The following VSIG10L variants were observed in gnomAD, a reference collection of about 807,000 sequenced individuals.
VSIG10L encodes V-set and immunoglobulin domain-containing protein 10-like.
Under a neutral mutation model 67.3 loss-of-function variants are expected in VSIG10L, and 63 were observed. The observed-to-expected ratio is 0.94, with a 90% confidence interval of 0.76 to 1.15. The LOEUF (loss-of-function observed/expected upper bound fraction) is 1.15. Ranked by LOEUF, VSIG10L falls within the 50% of genes most tolerant of loss-of-function variation. The pLI, the probability that VSIG10L is intolerant of heterozygous loss-of-function variation, is 0.00. For synonymous variants in VSIG10L, 499 were observed against 524.9 expected, an observed-to-expected ratio of 0.95 and a Z score of 0.67; for missense variants, 1,050 against 1,177.5, an observed-to-expected ratio of 0.89 and a Z score of 1.58.
Position 51,340,620 on chromosome 19 carries a change from C to T in VSIG10L, c.1002G>A (p.Leu334=), listed in dbSNP as rs776460402. 6 of 1,534,618 alleles carry T rather than the reference C, an allele frequency of 3.9e-6. No individual in the cohort carries two copies. The highest frequency in any genetic ancestry group is 1.4e-5 in the African/African-American group (1 of 72,962). The change falls in exon 3 of 10, where the codon CTG becomes CTA. Residue 334 remains leucine, a synonymous_variant. Coordinates refer to ENST00000335624, the MANE Select transcript of VSIG10L (RefSeq NM_001163922.3). The surrounding 1 kb of genome is among the most constrained non-coding windows in gnomAD (Gnocchi z 6.3). ...GGGCGCGTCCGTCCCGGCTCCAGCT[C>T]AGCTCCCCGCGACCTGGCCCCCACC... ...CLGWGPGRGE[L]SWSRDGRALE... is the part of the protein sequence containing the mutation.
At chr19:51,335,908 T>C (rs530420275) in intron 7 of VSIG10L, among the ~76,000 whole-genome samples, 1 of 152,158 alleles carries the variant, frequency 6.6e-6, no homozygotes, top group South Asian at 2.1e-4. Flanking sequence ...CAACACTCTG[T>C]CCACACCCCC....
chr19:51,339,981 C>T lies in VSIG10L; in HGVS notation c.1474+34G>A, dbSNP rs116164964. The T allele has an allele frequency of 1.6e-3, 2,086 of 1,345,662 alleles. 21 individuals are homozygous for T. In the African/African-American group the frequency reaches 0.029, roughly 19 times the overall value. The allele number at this position is 1,345,662 out of a possible 1,614,324, so 83.4% of individuals were successfully genotyped here. On this transcript the variant is annotated intron_variant, in intron 4 of 9. Transcript: ENST00000335624. ...CCTCGTTCTGGCCCCGCCCCTCTCC[C>T]AGGCATTCCCCTACTCCCGCTCCAG...
chr19:51,332,583 G>C lies in VSIG10L; in HGVS notation c.*28C>G. 6.4e-7 allele frequency: 1 copy of C among 1,551,522 alleles called. No homozygotes were observed. Among genetic ancestry groups the C allele is most frequent in the Non-Finnish European group, 8.7e-7 (1 of 1,146,862 alleles). Reference sequence around the variant, plus strand: ...CACTGGCTCTGATCACACCTGTGTGGCTGCGCGAACAGTCTTTGAGCCTCC... The same window carrying C: ...CACTGGCTCTGATCACACCTGTGTGCCTGCGCGAACAGTCTTTGAGCCTCC... On this transcript the variant is annotated 3_prime_UTR_variant, in exon 10 of 10. Transcript: ENST00000335624.
intron 4 of VSIG10L, 29 bp downstream of exon 4, chr19:51,339,986 A>AT: frequency 6.3e-6 from 8 of 1,265,810 alleles, no homozygotes; most frequent in Non-Finnish European, 8.0e-6. Flanking sequence ...TCTCCCAGGC[A>AT]TTCCCCTACT....
At position 51,333,837 on chromosome 19, in the gene VSIG10L, T is replaced by A; in HGVS notation, c.2528A>T (p.Asp843Val). 6.4e-7 allele frequency: 1 copy of A among 1,551,644 alleles called. No individual in the cohort carries two copies. The highest frequency in any genetic ancestry group is 1.2e-5 in the South Asian group (1 of 84,058). Residue 843 changes from aspartate to valine, a missense_variant, in exon 9 of 10, where the codon GAC becomes GTC. Physicochemically the swap from Asp to Val is radical, Grantham distance 152 (BLOSUM62 -3). Transcript: ENST00000335624. Reference sequence around the variant, plus strand: ...GTGGTCCTCCAGAGGGACTTTGAGGTCCAGAGGCCATGAAATCTCCACTGG... The same window carrying A: ...GTGGTCCTCCAGAGGGACTTTGAGGACCAGAGGCCATGAAATCTCCACTGG... ...VTPVEISWPL[D>V]LKVPLEDHSS...
At chr19:51,338,746 CT>C in intron 5 of VSIG10L, 141 bp downstream of exon 5, 3 of 1,062,894 alleles carry the variant, frequency 2.8e-6, no homozygotes, top group Non-Finnish European at 3.7e-6. Context: ...ATCTTTGTCC[CT>C]TTTCTAGTTT....
Position 51,333,938 on chromosome 19 carries a change from A to G in VSIG10L, c.2427T>C (p.Thr809=), listed in dbSNP as rs755236920. 159 of 1,551,164 alleles carry G rather than the reference A, an allele frequency of 1.0e-4. No individual in the cohort carries two copies. The highest frequency in any genetic ancestry group is 1.3e-4 in the Non-Finnish European group (149 of 1,146,932). ...TAGAAGGATGCTTCTTTTTCTCAGG[A>G]GTCTTTCCTGATTGAGAGGCAGAAG... The part of the protein sequence containing the change: ...ICCLCRFRGK[T]PEKKKHPSTL... Residue 809 remains threonine (T), a synonymous_variant, in exon 9 of 10, where the codon ACT becomes ACC. Transcript: ENST00000335624.
At position 51,340,095 on chromosome 19, in the gene VSIG10L, T is replaced by A. The variant is rs1347634121; in HGVS notation, c.1394A>T (p.His465Leu). The A allele has an allele frequency of 6.7e-6, 9 of 1,346,816 alleles. No individual in the cohort carries two copies. The highest frequency in any genetic ancestry group is 8.6e-6 in the Non-Finnish European group (9 of 1,052,550). 83.4% of individuals were successfully genotyped at this position (1,346,816 alleles called of 1,614,324 possible). ...RLLLPAVGPG[H>L]AGTYACLAAN... ...CGCCAGGCAGGCGTAGGTGCCTGCG[T>A]GGCCCGGTCCGACCGCGGGCAGCAG... The change falls in exon 4 of 10, where the codon CAC becomes CTC. Residue 465 changes from histidine (H) to leucine (L), a missense_variant. Around this residue, in one of 3 missense-constraint regions of VSIG10L, gnomAD observed 529 missense variants for 584.9 expected, o/e 0.90. Coordinates refer to ENST00000335624, the MANE Select transcript of VSIG10L (RefSeq NM_001163922.3). This position sits in a 1 kb window ranked among gnomAD's most constrained non-coding sequence, Gnocchi z 6.3.
Position 51,338,944 on chromosome 19 carries a change from G to C in VSIG10L, c.1673C>G (p.Pro558Arg). The part of the protein sequence containing the change: ...VPAHPRLSGV[P>R]ITCLARHLVA... ...CAGGTGGCGAGCAAGGCAGGTGATG[G>C]GGACGCCGCTGAGCCGGGGGTGGGC... The change falls in exon 5 of 10, where the codon CCC becomes CGC. Residue 558 changes from proline (P) to arginine (R), a missense_variant. By Grantham distance (103) the Pro-to-Arg change is moderately radical (BLOSUM62 -2). This residue lies in a region of VSIG10L where 529 missense variants were observed against 584.9 expected (regional missense o/e 0.90). Transcript: ENST00000335624. 7.0e-7 allele frequency: 1 copy of C among 1,437,264 alleles called. No homozygotes were observed. The highest frequency in any genetic ancestry group is 9.2e-7 in the Non-Finnish European group (1 of 1,088,720). The allele number at this position is 1,437,264 out of a possible 1,614,324, so 89.0% of individuals were successfully genotyped here.
At chr19:51,339,872 G>T (rs1390890731) in intron 4 of VSIG10L, 143 bp downstream of exon 4, 1 of 1,039,980 alleles carries the variant, frequency 9.6e-7, no homozygotes, top group Non-Finnish European at 1.2e-6. Flanking sequence ...CTCCTTCTTG[G>T]TGACCCGCCC....
rs766403823 is a variant in VSIG10L at position 51,337,913 on chromosome 19, G to T, written c.2008+17C>A. The T allele has an allele frequency of 2.6e-6, 4 of 1,527,252 alleles. No homozygotes were observed. The highest frequency in any genetic ancestry group is 1.4e-5 in the African/African-American group (1 of 71,916). The allele number at this position is 1,527,252 out of a possible 1,614,324, so 94.6% of individuals were successfully genotyped here. A position where few individuals can be genotyped will look rare whatever the true frequency, so the allele number is the denominator to read the frequency against. On this transcript the variant is annotated intron_variant, in intron 6 of 9. Transcript: ENST00000335624. ...GGGGACGTGGACTTCAGGGTTTTTTGAAATAACGTGGCTCACCAATGAGGG... is the reference window on the plus strand; with the variant it reads ...GGGGACGTGGACTTCAGGGTTTTTTTAAATAACGTGGCTCACCAATGAGGG...
Position 51,338,153 on chromosome 19 carries a change from C to T in VSIG10L, c.1785G>A (p.Glu595=). 6.5e-7 allele frequency: 1 copy of T among 1,531,004 alleles called. No individual in the cohort carries two copies. The allele number at this position is 1,531,004 out of a possible 1,614,324, so 94.8% of individuals were successfully genotyped here. The change falls in exon 6 of 10, where the codon GAG becomes GAA. Residue 595 remains glutamate, a synonymous_variant. Coordinates refer to ENST00000335624, the MANE Select transcript of VSIG10L (RefSeq NM_001163922.3). ...HPLVAETRLG[E]AEVALEASGC... ...CAGAGGCCTCCAGTGCCACCTCTGCCTCCCCCAACCGTGTCTCTGCCACCA... is the reference window on the plus strand; with the variant it reads ...CAGAGGCCTCCAGTGCCACCTCTGCTTCCCCCAACCGTGTCTCTGCCACCA...
chr19:51,341,720 A>C lies in VSIG10L; in HGVS notation c.328T>G (p.Phe110Val). ...EGQDLSPVSP[F>V]SETPGSEVFP... The stretch of plus-strand genomic sequence containing the variant: ...ACTTCAGAACCAGGGGTTTCAGAGA[A>C]GGGGGAAACCGGGCTCAAATCTTGG... Residue 110 changes from phenylalanine (F) to valine (V), a missense_variant, in exon 2 of 10, where the codon TTC (phenylalanine) becomes GTC (valine). Physicochemically the swap from Phe to Val is conservative, Grantham distance 50. Transcript: ENST00000335624. 6.4e-7 allele frequency: 1 copy of C among 1,551,664 alleles called. No homozygotes were observed. The highest frequency in any genetic ancestry group is 8.7e-7 in the Non-Finnish European group (1 of 1,146,984).
At chr19:51,339,209 C>T in intron 4 of VSIG10L, 67 bp from the exon 5 acceptor site, 1 of 1,260,610 alleles carries the variant, frequency 7.9e-7, no homozygotes, top group Non-Finnish European at 1.0e-6. Flanking sequence ...CCCGCCTCCC[C>T]GCGCGGTGAC....
At chr19:51,333,146 AG>A (rs1265070891) in intron 9 of VSIG10L, among the ~76,000 whole-genome samples, 2 of 150,700 alleles carry the variant, frequency 1.3e-5, no homozygotes, top group Non-Finnish European at 1.5e-5. Flanking sequence ...TATCACACCC[AG>A]TCACAACAAT....
In VSIG10L at chr19:51,340,959, C is replaced by T. The variant is rs1985620588; in HGVS notation, c.895+194G>A. On this transcript the variant is annotated intron_variant, in intron 2 of 9. Transcript: ENST00000335624. The surrounding 1 kb of genome is among the most constrained non-coding windows in gnomAD (Gnocchi z 6.3). The stretch of plus-strand genomic sequence containing the variant: ...CCTCCCTCAGACCTGGGAGTTCAGG[C>T]TCCCAGGAGTCTCCATCCCAGGTCC... 1.0e-6 allele frequency: 1 copy of T among 970,708 alleles called. No homozygotes were observed. The highest frequency in any genetic ancestry group is 1.7e-5 in the African/African-American group (1 of 59,960). The allele number at this position is 970,708 out of a possible 1,614,324, so 60.1% of individuals were successfully genotyped here. A position where few individuals can be genotyped will look rare whatever the true frequency, so the allele number is the denominator to read the frequency against.
intron 7 of VSIG10L, among the ~76,000 whole-genome samples, chr19:51,334,916 G>T (rs1395013734): frequency 6.6e-6 from 1 of 152,178 alleles, no homozygotes. Context: ...TCCAGCCTGG[G>T]CATCAAAGTG....
chr19:51,342,027 G>T lies in VSIG10L; in HGVS notation c.41-20C>A. 6.4e-7 allele frequency: 1 copy of T among 1,551,826 alleles called. No homozygotes were observed. The highest frequency in any genetic ancestry group is 1.2e-5 in the South Asian group (1 of 84,068). Reference sequence around the variant, plus strand: ...AGGAGGCTGCAGAGAAGAGAGGAAGGCATTGGGGGAGGCTGCTGAGGGAGA... The same window carrying T: ...AGGAGGCTGCAGAGAAGAGAGGAAGTCATTGGGGGAGGCTGCTGAGGGAGA... On this transcript the variant is annotated intron_variant, in intron 1 of 9. Coordinates refer to ENST00000335624, the MANE Select transcript of VSIG10L (RefSeq NM_001163922.3). The surrounding 1 kb of genome is among the most constrained non-coding windows in gnomAD (Gnocchi z 4.4).
chr19:51,340,350 C>A lies in VSIG10L; in HGVS notation c.1190-51G>T. ...CGAGTGTCAGGGTCACCTGGGACGC[C>A]GCTAGGACTCCCGGAGACTGGGTCC... is the stretch of plus-strand genomic sequence containing the variant. On this transcript the variant is annotated intron_variant, in intron 3 of 9. Transcript: ENST00000335624. The surrounding 1 kb of genome is among the most constrained non-coding windows in gnomAD (Gnocchi z 6.3). The A allele has an allele frequency of 1.4e-6, 2 of 1,471,732 alleles. No individual in the cohort carries two copies. The highest frequency in any genetic ancestry group is 1.4e-5 in the African/African-American group (1 of 70,060). 91.2% of individuals were successfully genotyped at this position (1,471,732 alleles called of 1,614,324 possible). A position where few individuals can be genotyped will look rare whatever the true frequency, so the allele number is the denominator to read the frequency against.
Sources: allele counts gnomAD v4.1 joint callset (sites outside exome capture counted in the v4.1 genomes callset), GRCh38; gene constraint gnomAD v4.1.1; regional missense constraint gnomAD v4.1.1; non-coding constraint Gnocchi (gnomAD v3.1); transcripts MANE v1.5; gene names NCBI Gene and HGNC (gene_info 2026-07-23, HGNC 2026-07-21).